Variants in ARHGAP26 observed in about 807,000 individuals in gnomAD.
ARHGAP26 encodes the protein rho GTPase-activating protein 26.
In ARHGAP26, 38 loss-of-function variants were observed where a neutral mutation model predicts 104.8. The ratio of observed to expected loss-of-function variants is 0.36; its 90% CI spans 0.28 to 0.48. The LOEUF (loss-of-function observed/expected upper bound fraction) is 0.48. Ranked by LOEUF, ARHGAP26 falls within the 20% of genes least tolerant of loss-of-function variation. ARHGAP26 has a pLI of 0.99. For synonymous variants in ARHGAP26, 341 were observed against 340.0 expected (o/e 1.00, Z -0.03); for missense variants, 704 against 947.9 (o/e 0.74, Z 3.38).
At chr5:142,895,460 G>T (rs529214836) in intron 6 of ARHGAP26, among the ~76,000 whole-genome samples, 2 of 152,064 alleles carry the variant, frequency 1.3e-5, no homozygotes, top group Admixed American at 6.6e-5. Flanking sequence ...TCGATCTCCT[G>T]ACCCCGTGAT....
intron 12 of ARHGAP26, among the ~76,000 whole-genome samples, chr5:143,030,045 A>G (rs148793078): frequency 4.5e-4 from 68 of 152,294 alleles, no homozygotes; most frequent in African/African-American, 1.5e-3. Flanking sequence ...ATATGTGTCC[A>G]TCAGTCAACT....
intron 19 of ARHGAP26, among the ~76,000 whole-genome samples, chr5:143,141,887 G>A (rs571873167): frequency 2.8e-4 from 42 of 152,262 alleles, no homozygotes; most frequent in Non-Finnish European, 4.3e-4. Context: ...GTGCCTCCAC[G>A]TCTCTTTCCT....
At chr5:142,906,340 T>A (rs1761100784) in intron 8 of ARHGAP26, among the ~76,000 whole-genome samples, 1 of 152,192 alleles carries the variant, frequency 6.6e-6, no homozygotes, top group Non-Finnish European at 1.5e-5. Context: ...ACACTTTACC[T>A]CCATAGATTT....
At chr5:142,947,490 G>T (rs1767333747) in intron 11 of ARHGAP26, among the ~76,000 whole-genome samples, 1 of 152,164 alleles carries the variant, frequency 6.6e-6, no homozygotes, top group Non-Finnish European at 1.5e-5. Context: ...CAATTTCTCT[G>T]CCTAGTTCTT....
At chr5:143,012,552 C>CATATATATATATATATATGTATAT (rs1778953735) in intron 11 of ARHGAP26, among the ~76,000 whole-genome samples, 2 of 20,846 alleles carry the variant, frequency 9.6e-5, no homozygotes, top group Non-Finnish European at 1.4e-4. Context: ...TACATACATA[C>CATATATATATATATATATGTATAT]ATATATATAT....
At chr5:142,813,279 G>T (rs1019326066) in intron 1 of ARHGAP26, among the ~76,000 whole-genome samples, 1 of 152,192 alleles carries the variant, frequency 6.6e-6, no homozygotes, top group African/African-American at 2.4e-5. Context: ...TCCTCTCTGT[G>T]TAATTGACAT....
chr5:142,882,729 G>A (rs6887217), intron 4 of ARHGAP26, among the ~76,000 whole-genome samples: 19,467 of 152,178 alleles, frequency 0.13, 3,177 homozygotes, highest in East Asian at 0.37. Flanking sequence ...GCCAAGCACT[G>A]TATGTGGTTT....
chr5:142,776,756 C>T lies in ARHGAP26; in HGVS notation c.154+5841C>T, dbSNP rs532062925. ...TTTCACTTCTAATTTCATTTTTTAC[C>T]TAGGAGTAGAATTTTGCTGGGTTGT... is the stretch of plus-strand genomic sequence containing the variant. On this transcript the variant is annotated intron_variant, in intron 1 of 22. Coordinates refer to ENST00000645722, the MANE Select transcript of ARHGAP26 (RefSeq NM_001135608.3). Among the ~76,000 whole-genome samples the T allele has an allele frequency of 2.5e-4, 38 of 151,980 alleles. 2 individuals are homozygous for T. In the South Asian group the frequency reaches 7.9e-3, roughly 32 times the overall value.
At position 142,969,049 on chromosome 5, in the gene ARHGAP26, A is replaced by T. The variant is rs143667168; in HGVS notation, c.1107+36924A>T. Among the ~76,000 whole-genome samples the T allele has an allele frequency of 3.1e-4, 47 of 152,284 alleles. 1 individual carries two copies. In the East Asian group the frequency reaches 5.2e-3, roughly 17 times the overall value. ...CAGGCTCAAGTGATCCTCCTGCCTCAGCCTCCCAATTAGCTAGGACCACAG... is the reference window on the plus strand; with the variant it reads ...CAGGCTCAAGTGATCCTCCTGCCTCTGCCTCCCAATTAGCTAGGACCACAG... On this transcript the variant is annotated intron_variant, in intron 11 of 22. Coordinates refer to ENST00000645722, the MANE Select transcript of ARHGAP26 (RefSeq NM_001135608.3).
At chr5:142,927,172 G>C (rs1463768721) in intron 10 of ARHGAP26, among the ~76,000 whole-genome samples, 3 of 151,842 alleles carry the variant, frequency 2.0e-5, no homozygotes, top group African/African-American at 7.3e-5. Flanking sequence ...TTTTTACTGA[G>C]GTGTAATCAC....
At chr5:142,908,742 C>T (rs1393819197) in intron 9 of ARHGAP26, 1 of 167,098 alleles carries the variant, frequency 6.0e-6, no homozygotes, top group Non-Finnish European at 1.5e-5. Context: ...AAGCACGTGG[C>T]ATAGAAGGTG....
intron 1 of ARHGAP26, among the ~76,000 whole-genome samples, chr5:142,780,046 T>C (rs1757184224): frequency 6.6e-6 from 1 of 152,192 alleles, no homozygotes; most frequent in African/African-American, 2.4e-5. Context: ...TCTGGAGGCA[T>C]TTTATTGGTT....
chr5:143,209,780 CAA>C (rs59168054), intron 21 of ARHGAP26, among the ~76,000 whole-genome samples: 14 of 135,626 alleles, frequency 1.0e-4, no homozygotes, highest in East Asian at 2.1e-4. Flanking sequence ...GACTCCATCT[CAA>C]AAAAAAAAAA....
At chr5:143,055,999 G>C in intron 15 of ARHGAP26, 29 bp from the exon 16 acceptor site, 1 of 1,559,078 alleles carries the variant, frequency 6.4e-7, no homozygotes, top group Non-Finnish European at 8.8e-7. Flanking sequence ...TTATTATTAA[G>C]CTGACTAGCC....
intron 11 of ARHGAP26, among the ~76,000 whole-genome samples, chr5:142,973,106 A>G (rs1159608528): frequency 1.3e-5 from 2 of 152,214 alleles, no homozygotes; most frequent in Non-Finnish European, 2.9e-5. Context: ...AGTTAACTGC[A>G]GGATGAAAAT....
chr5:142,792,774 G>A (rs1043934516), intron 1 of ARHGAP26, among the ~76,000 whole-genome samples: 2 of 152,160 alleles, frequency 1.3e-5, no homozygotes, highest in African/African-American at 2.4e-5. Flanking sequence ...GACCTGAAAC[G>A]TAAGCTGGCC....
chr5:143,013,355 G>A (rs994189930), intron 11 of ARHGAP26, among the ~76,000 whole-genome samples: 3 of 152,056 alleles, frequency 2.0e-5, no homozygotes, highest in Non-Finnish European at 2.9e-5. Context: ...TGTCTGACCC[G>A]TTGCAGGAAA....
chr5:142,833,398 A>T (rs1768918123), intron 1 of ARHGAP26, among the ~76,000 whole-genome samples: 1 of 152,042 alleles, frequency 6.6e-6, no homozygotes, highest in African/African-American at 2.4e-5. Flanking sequence ...TTTAAAAAAC[A>T]TGTTCATGTA....
intron 20 of ARHGAP26, among the ~76,000 whole-genome samples, chr5:143,153,091 G>A (rs1355471701): frequency 6.6e-6 from 1 of 152,202 alleles, no homozygotes; most frequent in Non-Finnish European, 1.5e-5. Flanking sequence ...GTATGGAAGA[G>A]TCTCACTATA....
Sources: gnomAD v4.1 joint callset for allele counts (sites outside exome capture counted in the v4.1 genomes callset) on GRCh38, gnomAD v4.1.1 for gene constraint, MANE v1.5 for transcripts, NCBI Gene and HGNC (gene_info 2026-07-23, HGNC 2026-07-21) for gene names.